RCHY1: variants seen among roughly 807,000 people sequenced by gnomAD.
The protein encoded by RCHY1 is ring finger and CHY zinc finger domain containing 1.
RCHY1 carries 21 observed loss-of-function variants against 41.6 expected under a neutral mutation model. The observed-to-expected ratio is 0.51, with a 90% CI of 0.36 to 0.73. The LOEUF is 0.73. Ranked by LOEUF, RCHY1 falls within the 30% of genes least tolerant of loss-of-function variation. The pLI is 0.00. For missense variants in RCHY1, 265 were observed against 325.3 expected (o/e 0.81, Z 1.43); for synonymous variants, 79 against 102.9 (o/e 0.77, Z 1.41).
chr4:75,491,458 C>G lies in RCHY1; in HGVS notation c.536+153G>C, dbSNP rs1466440187. 4.0e-5 allele frequency: 25 copies of G among 627,018 alleles called. No individual in the cohort carries two copies. The Admixed American group carries it at 8.2e-4, about 21-fold the overall frequency. The allele number at this position is 627,018 out of a possible 1,614,324, so 38.8% of individuals were successfully genotyped here. Reference sequence around the variant, plus strand: ...AGTTCTATATCCAAGACACTTTGTCCTGTTTTAACAATATTCATCTACCCT... The same window carrying G: ...AGTTCTATATCCAAGACACTTTGTCGTGTTTTAACAATATTCATCTACCCT... On this transcript the variant is annotated intron_variant, in intron 7 of 8. Coordinates refer to ENST00000324439, the MANE Select transcript of RCHY1 (RefSeq NM_015436.4).
At position 75,491,922 on chromosome 4, in the gene RCHY1, A is replaced by AT; in HGVS notation, c.416dup (p.Asn139LysfsTer32). On this transcript the variant is annotated frameshift_variant, in exon 5 of 9. Transcript: ENST00000324439. LOFTEE classifies it high-confidence loss of function. The stretch of plus-strand genomic sequence containing the variant: ...ATATTGGACAATTCTGTCGGGACAC[A>AT]TTTTCAATACACTGTTTAAAAGAGA... 1 of 1,606,372 alleles carries AT rather than the reference A, an allele frequency of 6.2e-7. No individual in the cohort carries two copies. The highest frequency in any genetic ancestry group is 8.5e-7 in the Non-Finnish European group (1 of 1,176,994).
chr4:75,514,438 T>G (rs1560536951), upstream of RCHY1: 1 of 869,558 alleles, frequency 1.2e-6, no homozygotes, highest in Non-Finnish European at 1.7e-6. Flanking sequence ...CAGACGGATT[T>G]CCGGTTCCCG....
chr4:75,508,259 C>T (rs1256212315), intron 3 of RCHY1, among the ~76,000 whole-genome samples: 1 of 152,014 alleles, frequency 6.6e-6, no homozygotes, highest in Non-Finnish European at 1.5e-5. Context: ...CTGTACTGTA[C>T]TTTAGACACA....
chr4:75,491,824 TA>T, intron 5 of RCHY1, 42 bp from the exon 6 acceptor site: 1 of 1,604,722 alleles, frequency 6.2e-7, no homozygotes, highest in Non-Finnish European at 8.5e-7. Flanking sequence ...GAAGACAATA[TA>T]AACATCCAAG....
chr4:75,514,382 C>T lies in RCHY1; in HGVS notation c.-96G>A. 2 of 1,376,440 alleles carry T rather than the reference C, an allele frequency of 1.5e-6. No homozygotes were observed. Among genetic ancestry groups the T allele is most frequent in the Non-Finnish European group, 9.8e-7 (1 of 1,020,538 alleles). 85.3% of individuals were successfully genotyped at this position (1,376,440 alleles called of 1,614,324 possible). On this transcript the variant is annotated 5_prime_UTR_variant, in exon 1 of 9. Transcript: ENST00000324439. ...CTCTCTAGCACACCCCTCCCAGCCC[C>T]AGCGGCCACTAGCGACAATATGGCT...
intron 4 of RCHY1, among the ~76,000 whole-genome samples, chr4:75,492,480 A>G (rs894940545): frequency 2.6e-5 from 4 of 151,944 alleles, no homozygotes; most frequent in African/African-American, 9.7e-5. Flanking sequence ...GGAACTTCCA[A>G]AGTCACACAT....
chr4:75,512,499 G>A (rs1215981017), intron 1 of RCHY1, among the ~76,000 whole-genome samples: 1 of 151,972 alleles, frequency 6.6e-6, no homozygotes, highest in Non-Finnish European at 1.5e-5. Context: ...GGCTACTCAG[G>A]GACAATGCCC....
At chr4:75,497,710 G>A (rs1323322661) in intron 3 of RCHY1, among the ~76,000 whole-genome samples, 2 of 151,656 alleles carry the variant, frequency 1.3e-5, no homozygotes, top group African/African-American at 4.8e-5. Context: ...GGAAGGAGGA[G>A]GACCGAAAAA....
intron 8 of RCHY1, among the ~76,000 whole-genome samples, chr4:75,484,982 A>G (rs1168962935): frequency 2.0e-5 from 3 of 152,242 alleles, no homozygotes; most frequent in Admixed American, 1.3e-4. Flanking sequence ...TGCCTTAAAA[A>G]AAAGATGTTT....
chr4:75,509,108 T>A, intron 2 of RCHY1, 69 bp downstream of exon 2: 1 of 1,433,274 alleles, frequency 7.0e-7, no homozygotes, highest in South Asian at 1.3e-5. Flanking sequence ...ATGATACTTT[T>A]GATTAAATTT....
In RCHY1 at chr4:75,509,265, C is replaced by T. The variant is rs1724640986; in HGVS notation, c.122G>A (p.Arg41His). The T allele has an allele frequency of 1.9e-6, 3 of 1,612,882 alleles. No individual in the cohort carries two copies. The highest frequency in any genetic ancestry group is 1.7e-6 in the Non-Finnish European group (2 of 1,179,380). Residue 41 changes from arginine to histidine, a missense_variant, in exon 2 of 9, where the codon CGC becomes CAC. Physicochemically the swap from Arg to His is conservative, Grantham distance 29. Coordinates refer to ENST00000324439, the MANE Select transcript of RCHY1 (RefSeq NM_015436.4). ...ATCTTCATTGTTATCATGACACAAGCGGCAAGTATAAAGCTTGTCACAGCA... is the reference window on the plus strand; with the variant it reads ...ATCTTCATTGTTATCATGACACAAGTGGCAAGTATAAAGCTTGTCACAGCA... ...APCCDKLYTC[R>H]LCHDNNEDHQ...
chr4:75,482,990 A>T (rs1721645274), intron 8 of RCHY1, among the ~76,000 whole-genome samples: 1 of 152,174 alleles, frequency 6.6e-6, no homozygotes, highest in African/African-American at 2.4e-5. Flanking sequence ...GATACTTATA[A>T]TTCAAAATAA....
At chr4:75,501,691 T>C (rs73827639) in intron 3 of RCHY1, among the ~76,000 whole-genome samples, 3,369 of 152,338 alleles carry the variant, frequency 0.022, 108 homozygotes, top group African/African-American at 0.077. Context: ...CTCCTAATTA[T>C]GTTCCACTGA....
Position 75,487,707 on chromosome 4 carries a change from A to AAT in RCHY1, c.657+2872_657+2873dup, listed in dbSNP as rs1166622464. On this transcript the variant is annotated intron_variant, in intron 8 of 8. Coordinates refer to ENST00000324439, the MANE Select transcript of RCHY1 (RefSeq NM_015436.4). ...TATATATATTCATATATATATTCAT[A>AAT]ATATATATTCATATATATATTCATA... is the stretch of plus-strand genomic sequence containing the variant. Among the ~76,000 whole-genome samples, 143 of 58,184 alleles carry AAT rather than the reference A, an allele frequency of 2.5e-3. 20 individuals carry two copies. Among genetic ancestry groups the AAT allele is most frequent in the South Asian group, 6.2e-3 (14 of 2,254 alleles). The allele number at this position is 58,184 out of a possible 152,430, so 38.2% of individuals were successfully genotyped here.
chr4:75,498,386 A>G (rs1723419045), intron 3 of RCHY1, among the ~76,000 whole-genome samples: 1 of 151,638 alleles, frequency 6.6e-6, no homozygotes, highest in Non-Finnish European at 1.5e-5. Flanking sequence ...ATTATAGCAA[A>G]CATTTAAAGA....
chr4:75,487,309 A>G (rs1286179868), intron 8 of RCHY1, among the ~76,000 whole-genome samples: 1 of 151,168 alleles, frequency 6.6e-6, no homozygotes, highest in Admixed American at 6.6e-5. Context: ...AAAAGAGGAG[A>G]CAAGGGGAAA....
chr4:75,502,928 T>C (rs187247688), intron 3 of RCHY1, among the ~76,000 whole-genome samples: 2 of 152,266 alleles, frequency 1.3e-5, no homozygotes, highest in Non-Finnish European at 2.9e-5. Flanking sequence ...TCTTTGTAGT[T>C]TTCCTTGAAC....
intron 6 of RCHY1, 41 bp from the exon 7 acceptor site, chr4:75,491,678 G>C (rs1445519379): frequency 2.5e-6 from 4 of 1,599,742 alleles, no homozygotes; most frequent in Non-Finnish European, 3.4e-6. Flanking sequence ...AACAAAAACT[G>C]TCTCCACTAT....
chr4:75,482,803 T>C (rs1198296928), intron 8 of RCHY1, 137 bp from the exon 9 acceptor site: 2 of 542,486 alleles, frequency 3.7e-6, no homozygotes, highest in Admixed American at 8.5e-5. Context: ...AAAGTAGAAA[T>C]TTCTTCTTAT....
Sources: gnomAD v4.1 joint callset for allele counts (sites outside exome capture counted in the v4.1 genomes callset) on GRCh38, gnomAD v4.1.1 for gene constraint, MANE v1.5 for transcripts, NCBI Gene and HGNC (gene_info 2026-07-23, HGNC 2026-07-21) for gene names.